NPAS2: variants seen among roughly 807,000 people sequenced by gnomAD.
The protein encoded by NPAS2 is neuronal PAS domain-containing protein 2.
In NPAS2, 23 loss-of-function variants were observed where a neutral mutation model predicts 107.5. The ratio of observed to expected loss-of-function variants is 0.21; its 90% confidence interval spans 0.15 to 0.30. The LOEUF (loss-of-function observed/expected upper bound fraction) is 0.30. NPAS2 is among the 10% of genes least tolerant of loss of function. NPAS2 has a pLI of 1.00. For synonymous variants in NPAS2, 403 were observed against 417.5 expected, an observed-to-expected ratio of 0.97 and a Z score of 0.42; for missense variants, 756 against 1,043.3, an observed-to-expected ratio of 0.72 and a Z score of 3.79.
intron 3 of NPAS2, among the ~76,000 whole-genome samples, chr2:100,932,371 A>G (rs1403228029): frequency 6.6e-6 from 1 of 152,388 alleles, no homozygotes; most frequent in Middle Eastern, 3.4e-3. Flanking sequence ...AGAGTACATT[A>G]TGTGTATGTG....
At chr2:100,883,172 T>G in intron 1 of NPAS2, among the ~76,000 whole-genome samples, 1 of 152,170 alleles carries the variant, frequency 6.6e-6, no homozygotes, top group East Asian at 1.9e-4. Flanking sequence ...TTTACTTCTT[T>G]CATGTTAAAT....
At chr2:100,862,575 GC>G (rs1252600692) in intron 1 of NPAS2, among the ~76,000 whole-genome samples, 1 of 152,182 alleles carries the variant, frequency 6.6e-6, no homozygotes, top group East Asian at 1.9e-4. Flanking sequence ...GACAGTCACT[GC>G]CCAGAGCTTC....
chr2:100,911,109 G>T (rs1166404344), intron 2 of NPAS2, among the ~76,000 whole-genome samples: 1 of 152,204 alleles, frequency 6.6e-6, no homozygotes, highest in Non-Finnish European at 1.5e-5. Flanking sequence ...CCCTTGTGGA[G>T]AATTTTAGGG....
At chr2:100,960,897 G>A (rs1357590210) in intron 7 of NPAS2, among the ~76,000 whole-genome samples, 1 of 152,116 alleles carries the variant, frequency 6.6e-6, no homozygotes. Flanking sequence ...TGTGCTCAGA[G>A]GTGGAGACAG....
At chr2:100,930,289 T>G (rs1330433689) in intron 3 of NPAS2, among the ~76,000 whole-genome samples, 1 of 152,204 alleles carries the variant, frequency 6.6e-6, no homozygotes, top group Non-Finnish European at 1.5e-5. Flanking sequence ...AGGAGAAATT[T>G]CCCTATTGAA....
chr2:100,829,028 G>A (rs908655521), intron 1 of NPAS2, among the ~76,000 whole-genome samples: 9 of 152,124 alleles, frequency 5.9e-5, no homozygotes, highest in Non-Finnish European at 1.3e-4. Context: ...CAATCCATGA[G>A]CATGGAATGT....
At chr2:100,949,327 C>G (rs766712457) in intron 6 of NPAS2, 40 bp from the exon 7 acceptor site, 2 of 1,178,206 alleles carry the variant, frequency 1.7e-6, no homozygotes, top group Non-Finnish European at 2.6e-6. Context: ...GTGCAATGCT[C>G]ACGACCCCTT....
intron 1 of NPAS2, among the ~76,000 whole-genome samples, chr2:100,901,183 A>C (rs1209251659): frequency 6.6e-6 from 1 of 152,054 alleles, no homozygotes; most frequent in Admixed American, 6.6e-5. Flanking sequence ...CAAGAGGGAC[A>C]GTGTGGTTAC....
At chr2:100,881,929 C>G (rs1254234497) in intron 1 of NPAS2, among the ~76,000 whole-genome samples, 1 of 152,184 alleles carries the variant, frequency 6.6e-6, no homozygotes, top group Non-Finnish European at 1.5e-5. Flanking sequence ...CACCACCTCC[C>G]TCATGTGCTC....
At chr2:100,880,413 G>A (rs1039746809) in intron 1 of NPAS2, among the ~76,000 whole-genome samples, 22 of 152,136 alleles carry the variant, frequency 1.4e-4, no homozygotes, top group African/African-American at 5.1e-4. Context: ...AAGAAAATGT[G>A]GTACCATATG....
intron 5 of NPAS2, among the ~76,000 whole-genome samples, chr2:100,944,459 C>A (rs1674765801): frequency 6.6e-6 from 1 of 152,190 alleles, no homozygotes; most frequent in Admixed American, 6.5e-5. Flanking sequence ...GGCAGGTGAC[C>A]TTCCCGATCG....
chr2:100,916,640 C>T (rs766416451), intron 2 of NPAS2, among the ~76,000 whole-genome samples: 14 of 152,128 alleles, frequency 9.2e-5, no homozygotes, highest in Non-Finnish European at 1.9e-4. Context: ...CTTTAACATG[C>T]TCCTCTTAGT....
At chr2:100,915,542 G>A (rs1378445247) in intron 2 of NPAS2, among the ~76,000 whole-genome samples, 9 of 152,120 alleles carry the variant, frequency 5.9e-5, no homozygotes, top group Non-Finnish European at 1.5e-5. Flanking sequence ...CTTCAGAATA[G>A]ACCACCACCC....
intron 12 of NPAS2, among the ~76,000 whole-genome samples, chr2:100,973,047 C>T (rs886967599): frequency 6.6e-6 from 1 of 152,018 alleles, no homozygotes; most frequent in African/African-American, 2.4e-5. Flanking sequence ...GGCATGGTGG[C>T]GTGCACCTGT....
intron 3 of NPAS2, among the ~76,000 whole-genome samples, chr2:100,925,620 T>C (rs1381284362): frequency 6.6e-6 from 1 of 152,228 alleles, no homozygotes; most frequent in African/African-American, 2.4e-5. Flanking sequence ...TTTTATTCAA[T>C]GCTGAACAGA....
chr2:100,839,103 G>C (rs1054877678), intron 1 of NPAS2, among the ~76,000 whole-genome samples: 1 of 152,012 alleles, frequency 6.6e-6, no homozygotes, highest in African/African-American at 2.4e-5. Context: ...ACATGAAGAT[G>C]ATGAGGATGA....
At chr2:100,939,093 C>T (rs1187291320) in intron 5 of NPAS2, among the ~76,000 whole-genome samples, 1 of 152,170 alleles carries the variant, frequency 6.6e-6, no homozygotes, top group Non-Finnish European at 1.5e-5. Context: ...GGGTGATGAG[C>T]CCAGCTCTGC....
chr2:100,984,469 T>C (rs1677661137), intron 16 of NPAS2: 1 of 152,230 alleles, frequency 6.6e-6, no homozygotes, highest in Non-Finnish European at 1.5e-5. Context: ...ATTACTTGTC[T>C]ATTTTGTATA....
chr2:100,907,482 A>C (rs890773266), intron 2 of NPAS2, among the ~76,000 whole-genome samples: 1 of 113,666 alleles, frequency 8.8e-6, no homozygotes, highest in African/African-American at 3.5e-5. Context: ...CCCTCCTAAC[A>C]CTTGGGAACA....
Sources: gnomAD v4.1 joint callset for allele counts (sites outside exome capture counted in the v4.1 genomes callset) on GRCh38, gnomAD v4.1.1 for gene constraint, MANE v1.5 for transcripts, NCBI Gene and HGNC (gene_info 2026-07-23, HGNC 2026-07-21) for gene names.